LRRC7: variants seen among roughly 807,000 people sequenced by gnomAD.
The protein encoded by LRRC7 is leucine-rich repeat-containing protein 7.
In LRRC7, 23 loss-of-function variants were observed where a neutral mutation model predicts 175.7. The ratio of observed to expected loss-of-function variants is 0.13; its 90% CI spans 0.09 to 0.19. The LOEUF (loss-of-function observed/expected upper bound fraction) is 0.19, where lower values mean the gene tolerates loss of function less well. Among genes scored for constraint, LRRC7 ranks in the 10% least tolerant of loss-of-function variants. LRRC7 has a pLI of 1.00. For missense variants in LRRC7, 1,354 were observed against 1,904.7 expected, an observed-to-expected ratio of 0.71 and a Z score of 5.38; for synonymous variants, 685 against 680.9, an observed-to-expected ratio of 1.01 and a Z score of -0.09.
chr1:69,742,040 A>G (rs1011209933), intron 2 of LRRC7, among the ~76,000 whole-genome samples: 2 of 152,076 alleles, frequency 1.3e-5, no homozygotes, highest in Non-Finnish European at 1.5e-5. Context: ...GAGCAAGAAC[A>G]GAAATCTAAA....
intron 1 of LRRC7, among the ~76,000 whole-genome samples, chr1:69,677,785 C>T (rs963477789): frequency 1.3e-5 from 2 of 152,082 alleles, no homozygotes; most frequent in East Asian, 3.9e-4. Context: ...TAACAAAATA[C>T]CATAGACTCG....
intron 1 of LRRC7, among the ~76,000 whole-genome samples, chr1:69,627,823 A>G (rs1337189208): frequency 1.3e-5 from 2 of 151,736 alleles, no homozygotes; most frequent in Admixed American, 6.6e-5. Flanking sequence ...TTTTTATTTA[A>G]GTCTTTAATT....
At chr1:69,668,611 T>C (rs1658616846) in intron 1 of LRRC7, among the ~76,000 whole-genome samples, 1 of 152,242 alleles carries the variant, frequency 6.6e-6, no homozygotes, top group Non-Finnish European at 1.5e-5. Flanking sequence ...AACATATGTG[T>C]GCATTTGTCT....
intron 7 of LRRC7, among the ~76,000 whole-genome samples, chr1:69,855,449 T>C (rs1457562627): frequency 6.6e-6 from 1 of 152,202 alleles, no homozygotes; most frequent in East Asian, 1.9e-4. Context: ...AGTGAGTTTC[T>C]TAACCCTGAG....
chr1:69,993,515 C>G (rs780576021), intron 10 of LRRC7, among the ~76,000 whole-genome samples: 10 of 152,060 alleles, frequency 6.6e-5, no homozygotes, highest in Admixed American at 6.6e-5. Context: ...ACTAGTTCAA[C>G]AACATACTGT....
intron 3 of LRRC7, among the ~76,000 whole-genome samples, chr1:69,761,503 T>G (rs1671029822): frequency 6.6e-6 from 1 of 152,092 alleles, no homozygotes; most frequent in African/African-American, 2.4e-5. Context: ...AAGAACTTTT[T>G]AACATGTACT....
At chr1:69,582,335 C>T (rs1280832694) in intron 1 of LRRC7, among the ~76,000 whole-genome samples, 2 of 152,160 alleles carry the variant, frequency 1.3e-5, no homozygotes, top group Non-Finnish European at 2.9e-5. Flanking sequence ...CATTTCTCCC[C>T]TACAGACCTG....
At chr1:69,787,706 C>T (rs564889492) in intron 3 of LRRC7, among the ~76,000 whole-genome samples, 36 of 152,258 alleles carry the variant, frequency 2.4e-4, no homozygotes, top group Non-Finnish European at 4.7e-4. Context: ...AGGTCTCCGA[C>T]ATGCCCTGAA....
chr1:70,018,598 CTTATT>C (rs915088748), intron 14 of LRRC7, 116 bp from the exon 15 acceptor site: 5 of 512,256 alleles, frequency 9.8e-6, no homozygotes, highest in Middle Eastern at 3.1e-4. Flanking sequence ...GTTGTAATTT[CTTATT>C]TTATTTCTTT....
At position 70,140,878 on chromosome 1, in the gene LRRC7, A is replaced by G. The variant is rs998322145; in HGVS notation, c.*18991A>G. 2.0e-5 allele frequency among the ~76,000 whole-genome samples: 3 copies of G among 152,188 alleles called. No individual in the cohort carries two copies. The highest frequency in any genetic ancestry group is 7.2e-5 in the African/African-American group (3 of 41,456). The stretch of plus-strand genomic sequence containing the variant: ...TCAGTGACTTAACTGACATAAATGC[A>G]TAATTAATGACAAGGACCACTGGGA... On this transcript the variant is annotated 3_prime_UTR_variant, in exon 27 of 27. Transcript: ENST00000651989.
intron 1 of LRRC7, among the ~76,000 whole-genome samples, chr1:69,671,881 G>A (rs987947227): frequency 1.3e-5 from 2 of 152,096 alleles, no homozygotes; most frequent in African/African-American, 2.4e-5. Context: ...GCTGGGGGAT[G>A]GGGCAGAGTA....
At chr1:69,869,978 A>G (rs566089086) in intron 7 of LRRC7, among the ~76,000 whole-genome samples, 11 of 152,274 alleles carry the variant, frequency 7.2e-5, no homozygotes, top group African/African-American at 2.4e-4. Flanking sequence ...TGCAAAGATT[A>G]TATCTCAAGA....
chr1:70,101,981 T>C (rs1179329368), intron 25 of LRRC7, among the ~76,000 whole-genome samples: 2 of 152,180 alleles, frequency 1.3e-5, no homozygotes, highest in African/African-American at 4.8e-5. Flanking sequence ...TGTTGCTCTG[T>C]TGTGAGATAC....
chr1:69,676,423 C>T lies in LRRC7; in HGVS notation c.3-1958C>T, dbSNP rs765784948. 5.2e-4 allele frequency among the ~76,000 whole-genome samples: 79 copies of T among 152,052 alleles called. 2 individuals carry two copies. Among genetic ancestry groups the T allele is most frequent in the Admixed American group, 5.0e-3 (77 of 15,262 alleles). On this transcript the variant is annotated intron_variant, in intron 1 of 26. Transcript: ENST00000651989. Reference sequence around the variant, plus strand: ...TATTAAGAAATCATGTTTATATTTTCAAAATGATAAATACTATGATTTAGT... The same window carrying T: ...TATTAAGAAATCATGTTTATATTTTTAAAATGATAAATACTATGATTTAGT...
At chr1:69,820,422 G>A (rs190068627) in intron 4 of LRRC7, among the ~76,000 whole-genome samples, 1 of 152,056 alleles carries the variant, frequency 6.6e-6, no homozygotes, top group African/African-American at 2.4e-5. Context: ...AGAACATGCA[G>A]GTTTGTTATG....
chr1:69,871,539 G>A (rs966939131), intron 7 of LRRC7, among the ~76,000 whole-genome samples: 4 of 151,902 alleles, frequency 2.6e-5, no homozygotes, highest in Non-Finnish European at 5.9e-5. Context: ...ATATAGTCGA[G>A]TATTTAAAAT....
intron 6 of LRRC7, among the ~76,000 whole-genome samples, chr1:69,837,071 T>C: frequency 6.6e-6 from 1 of 151,882 alleles, no homozygotes; most frequent in East Asian, 1.9e-4. Flanking sequence ...GGAATAACAA[T>C]AGTGTGTCCT....
At chr1:69,988,916 A>C (rs1328512516) in intron 10 of LRRC7, among the ~76,000 whole-genome samples, 1 of 152,194 alleles carries the variant, frequency 6.6e-6, no homozygotes. Context: ...TTGCAAACAA[A>C]AATGTTGAAG....
intron 7 of LRRC7, chr1:69,919,253 T>C (rs1447574102): frequency 1.3e-5 from 6 of 445,820 alleles, no homozygotes; most frequent in Non-Finnish European, 2.4e-5. Flanking sequence ...TCTGTGGTTG[T>C]AGTACACAAG....
Sources: gnomAD v4.1 joint callset for allele counts (sites outside exome capture counted in the v4.1 genomes callset) on GRCh38, gnomAD v4.1.1 for gene constraint, MANE v1.5 for transcripts, NCBI Gene and HGNC (gene_info 2026-07-23, HGNC 2026-07-21) for gene names.